The following RIMS1 variants were observed in gnomAD, a reference collection of about 807,000 sequenced individuals.
RIMS1 encodes regulating synaptic membrane exocytosis protein 1.
A neutral mutation model predicts 214.1 loss-of-function variants in RIMS1; 83 were observed. The ratio of observed to expected loss-of-function variants is 0.39; its 90% CI spans 0.32 to 0.47. RIMS1 has a LOEUF of 0.47. Among genes scored for constraint, RIMS1 ranks in the 20% least tolerant of loss-of-function variants. The pLI is 0.99. For missense variants in RIMS1, 2,050 were observed against 2,161.8 expected (o/e 0.95, Z 1.03); for synonymous variants, 793 against 786.8 (o/e 1.01, Z -0.13).
At chr6:71,908,778 G>A (rs1258382537) in intron 1 of RIMS1, among the ~76,000 whole-genome samples, 1 of 152,122 alleles carries the variant, frequency 6.6e-6, no homozygotes, top group East Asian at 1.9e-4. Context: ...TTTTCATCTT[G>A]TAATTAACAT....
chr6:71,972,229 A>T (rs924890191), intron 2 of RIMS1, among the ~76,000 whole-genome samples: 1 of 152,120 alleles, frequency 6.6e-6, no homozygotes, highest in African/African-American at 2.4e-5. Flanking sequence ...AAGGGATGAA[A>T]AGTGTGCTTT....
intron 1 of RIMS1, among the ~76,000 whole-genome samples, chr6:71,956,001 A>G (rs1791153362): frequency 6.6e-6 from 1 of 152,136 alleles, no homozygotes; most frequent in African/African-American, 2.4e-5. Flanking sequence ...AAAGGTAGAA[A>G]AGTTTTTCAA....
Position 71,982,735 on chromosome 6 carries a change from AG to A in RIMS1, c.245+13674del, listed in dbSNP as rs1798817672. Among the ~76,000 whole-genome samples, 6 of 152,024 alleles carry A rather than the reference AG, an allele frequency of 3.9e-5. No homozygotes were observed. In the South Asian group the frequency reaches 1.2e-3, roughly 32 times the overall value. On this transcript the variant is annotated intron_variant, in intron 2 of 33. Transcript: ENST00000521978. ...GTTCTCACTCCCATCCTCATATTTC[AG>A]GCTCTCCTTTTTGCATGGGGTTGGA... is the stretch of plus-strand genomic sequence containing the variant.
chr6:71,943,279 T>C (rs1786742171), intron 1 of RIMS1, among the ~76,000 whole-genome samples: 1 of 152,210 alleles, frequency 6.6e-6, no homozygotes, highest in South Asian at 2.1e-4. Flanking sequence ...AAACCCATTA[T>C]ACTGGTGATC....
intron 10 of RIMS1, among the ~76,000 whole-genome samples, chr6:72,245,503 T>G (rs1002776785): frequency 4.6e-5 from 7 of 152,152 alleles, no homozygotes; most frequent in African/African-American, 1.7e-4. Context: ...AGTATTACCT[T>G]TAACATTTTT....
chr6:72,277,305 G>A (rs192902859), intron 23 of RIMS1, among the ~76,000 whole-genome samples: 13 of 152,304 alleles, frequency 8.5e-5, no homozygotes, highest in Non-Finnish European at 1.3e-4. Context: ...CTAGAGGCCG[G>A]GCGAGGTGGC....
intron 11 of RIMS1, among the ~76,000 whole-genome samples, chr6:72,246,187 T>C (rs1287199335): frequency 6.6e-6 from 1 of 152,206 alleles, no homozygotes; most frequent in Non-Finnish European, 1.5e-5. Flanking sequence ...GATACTGGAT[T>C]ATTCAGTTTG....
chr6:71,951,488 T>TC (rs1437630749), intron 1 of RIMS1, among the ~76,000 whole-genome samples: 3 of 146,146 alleles, frequency 2.1e-5, no homozygotes, highest in Admixed American at 6.8e-5. Flanking sequence ...CTTTTTTTTT[T>TC]TTTTTGTGTG....
intron 1 of RIMS1, among the ~76,000 whole-genome samples, chr6:71,907,361 A>G (rs557981754): frequency 6.6e-6 from 1 of 152,296 alleles, no homozygotes; most frequent in South Asian, 2.1e-4. Flanking sequence ...AGGAAAACTC[A>G]CTGTATAAGA....
intron 17 of RIMS1, 25 bp downstream of exon 17, chr6:72,258,306 T>A: frequency 6.3e-7 from 1 of 1,596,048 alleles, no homozygotes. Context: ...GGGCTCAGTG[T>A]CCCTGACAGT....
intron 26 of RIMS1, among the ~76,000 whole-genome samples, chr6:72,306,940 A>G (rs1241703507): frequency 6.6e-6 from 1 of 152,202 alleles, no homozygotes; most frequent in Non-Finnish European, 1.5e-5. Context: ...TAAATTGAAA[A>G]CATTCTTACA....
At position 72,213,646 on chromosome 6, in the gene RIMS1, C is replaced by A. The variant is rs147584753; in HGVS notation, c.1679-20127C>A. ...AGAATGAGAAATACATGACAAATTGCAGTAATCATTAGTGGAATGTCAATG... is the reference window on the plus strand; with the variant it reads ...AGAATGAGAAATACATGACAAATTGAAGTAATCATTAGTGGAATGTCAATG... On this transcript the variant is annotated intron_variant, in intron 6 of 33. Transcript: ENST00000521978. Among the ~76,000 whole-genome samples the A allele has an allele frequency of 2.0e-3, 309 of 152,062 alleles. 2 individuals carry two copies. The highest frequency in any genetic ancestry group is 4.0e-3 in the South Asian group (19 of 4,804).
At chr6:71,933,680 A>ACACACAC (rs1783718609) in intron 1 of RIMS1, among the ~76,000 whole-genome samples, 1 of 114,700 alleles carries the variant, frequency 8.7e-6, no homozygotes, top group African/African-American at 3.4e-5. Flanking sequence ...GCTCTTCCTC[A>ACACACAC]ATCACACACA....
intron 2 of RIMS1, among the ~76,000 whole-genome samples, chr6:72,061,705 A>C (rs973600523): frequency 9.9e-5 from 15 of 152,266 alleles, no homozygotes; most frequent in Non-Finnish European, 1.9e-4. Flanking sequence ...AAAATAGCTG[A>C]CTGTAAAATC....
At chr6:72,121,688 T>C (rs1253545284) in intron 4 of RIMS1, among the ~76,000 whole-genome samples, 2 of 151,986 alleles carry the variant, frequency 1.3e-5, no homozygotes, top group East Asian at 3.8e-4. Flanking sequence ...TCCAACACTA[T>C]GTTGAATAGG....
intron 4 of RIMS1, among the ~76,000 whole-genome samples, chr6:72,150,800 T>A (rs1303939938): frequency 6.6e-6 from 1 of 152,198 alleles, no homozygotes; most frequent in Non-Finnish European, 1.5e-5. Context: ...CTTCCCCTCA[T>A]GCTCTTTTCC....
chr6:71,974,776 T>C (rs554936820), intron 2 of RIMS1, among the ~76,000 whole-genome samples: 112 of 152,316 alleles, frequency 7.4e-4, no homozygotes, highest in Non-Finnish European at 1.3e-3. Context: ...ATTCGAGTAT[T>C]AGTAGCCAAG....
At position 71,888,492 on chromosome 6, in the gene RIMS1, C is replaced by A. The variant is rs575093888; in HGVS notation, c.164+1305C>A. 5.3e-5 allele frequency among the ~76,000 whole-genome samples: 8 copies of A among 152,286 alleles called. No individual in the cohort carries two copies. In the East Asian group the frequency reaches 9.6e-4, roughly 18 times the overall value. Reference sequence around the variant, plus strand: ...ACATTCTGCATGGCCTCTCCCCCACCCCCTAGAAGTGCCTCCTCGAGAGAA... The same window carrying A: ...ACATTCTGCATGGCCTCTCCCCCACACCCTAGAAGTGCCTCCTCGAGAGAA... On this transcript the variant is annotated intron_variant, in intron 1 of 33. Coordinates refer to ENST00000521978, the MANE Select transcript of RIMS1 (RefSeq NM_014989.7).
chr6:72,220,222 A>G (rs1179218789), intron 6 of RIMS1, among the ~76,000 whole-genome samples: 1 of 152,108 alleles, frequency 6.6e-6, no homozygotes, highest in African/African-American at 2.4e-5. Context: ...CAACAAGTCC[A>G]TATCATAATA....
Sources: gnomAD v4.1 joint callset for allele counts (sites outside exome capture counted in the v4.1 genomes callset) on GRCh38, gnomAD v4.1.1 for gene constraint, MANE v1.5 for transcripts, NCBI Gene and HGNC (gene_info 2026-07-23, HGNC 2026-07-21) for gene names.